B3GAT3: variants seen among roughly 807,000 people sequenced by gnomAD.
B3GAT3 encodes galactosylgalactosylxylosylprotein 3-beta-glucuronosyltransferase 3.
B3GAT3 carries 19 observed loss-of-function variants against 33.1 expected under a neutral mutation model. That is an observed-to-expected ratio of 0.57 (90% CI 0.40 to 0.84). The LOEUF (loss-of-function observed/expected upper bound fraction) is 0.84. B3GAT3 is among the 40% of genes least tolerant of loss of function. B3GAT3 has a pLI of 0.00. For synonymous variants in B3GAT3, 167 were observed against 193.5 expected (o/e 0.86, Z 1.14); for missense variants, 344 against 441.5 (o/e 0.78, Z 1.98).
rs529772553 is a variant in B3GAT3, at chr11:62,616,971, C to T, written c.618+16G>A. ...GCCGCACCTGGTCTCTTGCCCATCCCCATCCTGGTGCTCACCTCCTCAAAC... is the reference window on the plus strand; with the variant it reads ...GCCGCACCTGGTCTCTTGCCCATCCTCATCCTGGTGCTCACCTCCTCAAAC... On this transcript the variant is annotated intron_variant, in intron 3 of 4. Coordinates refer to ENST00000265471, the MANE Select transcript of B3GAT3 (RefSeq NM_012200.4). The T allele has an allele frequency of 4.3e-6, 7 of 1,614,190 alleles. No individual in the cohort carries two copies. The African/African-American group carries it at 8.0e-5, about 18-fold the overall frequency.
chr11:62,620,079 A>G (rs1369187348), intron 2 of B3GAT3, among the ~76,000 whole-genome samples: 1 of 151,868 alleles, frequency 6.6e-6, no homozygotes, highest in Non-Finnish European at 1.5e-5. Context: ...GCTGGAGTGC[A>G]ATAGCGCACT....
chr11:62,616,686 C>T lies in B3GAT3; in HGVS notation c.729G>A (p.Trp243Ter), dbSNP rs1204033248. Residue 243 changes from tryptophan to a stop codon, truncating the protein, a stop_gained, in exon 4 of 5, where the codon TGG becomes TGA. Coordinates refer to ENST00000265471, the MANE Select transcript of B3GAT3 (RefSeq NM_012200.4). LOFTEE classifies it high-confidence loss of function. ...CCACAGGGAAGGGCCTGCTGGGCTC[C>T]CATGCTGTGTGGAAGCCCACTACCC... The part of the protein sequence containing the change: ...DGRVVGFHTA[W>*]EPSRPFPVDM... 2 of 1,614,220 alleles carry T rather than the reference C, an allele frequency of 1.2e-6. No homozygotes were observed. Among genetic ancestry groups the T allele is most frequent in the South Asian group, 2.2e-5 (2 of 91,086 alleles).
intron 1 of B3GAT3, 92 bp downstream of exon 1, chr11:62,621,774 T>G (rs922398831): frequency 7.7e-7 from 1 of 1,303,048 alleles, no homozygotes; most frequent in African/African-American, 1.5e-5. Context: ...AGCGGATGAA[T>G]GGTGTTTGCC....
At chr11:62,618,998 A>T (rs182789298) in intron 2 of B3GAT3, among the ~76,000 whole-genome samples, 74 of 148,446 alleles carry the variant, frequency 5.0e-4, no homozygotes, top group Admixed American at 2.1e-3. Context: ...AAAAAAAAAA[A>T]AAATTAGCCT....
rs1169657667 is a variant in B3GAT3, at chr11:62,616,658, T to C, written c.757A>G (p.Met253Val). 3.1e-6 allele frequency: 5 copies of C among 1,614,050 alleles called. No individual in the cohort carries two copies. The highest frequency in any genetic ancestry group is 2.7e-5 in the African/African-American group (2 of 74,926). The change falls in exon 4 of 5, where the codon ATG becomes GTG. Residue 253 changes from methionine (M) to valine (V), a missense_variant. Met to Val is a conservative substitution (Grantham distance 21). Transcript: ENST00000265471. ...WEPSRPFPVD[M>V]AGFAVALPLL... ...GGCAGGGCCACGGCAAATCCAGCCA[T>C]ATCCACAGGGAAGGGCCTGCTGGGC...
intron 4 of B3GAT3, 117 bp from the exon 5 acceptor site, chr11:62,615,916 T>C (rs1372247806): frequency 1.3e-6 from 2 of 1,535,518 alleles, no homozygotes; most frequent in Non-Finnish European, 1.7e-6. Flanking sequence ...CTTCAAAGTG[T>C]AAAGGGCAGG....
rs1491233980 is a variant in B3GAT3 at position 62,616,242 on chromosome 11, TGA to T, written c.909+262_909+263del. On this transcript the variant is annotated intron_variant, in intron 4 of 4. Coordinates refer to ENST00000265471, the MANE Select transcript of B3GAT3 (RefSeq NM_012200.4). ...CTGGGTGACACAGCGAGACTCTGTC[TGA>T]AAAAAAAAAAAAAACAACAAACAGG... 1,978 of 463,164 alleles carry T rather than the reference TGA, an allele frequency of 4.3e-3. 2 individuals carry two copies. The highest frequency in any genetic ancestry group is 6.8e-3 in the East Asian group (172 of 25,298). 28.7% of individuals were successfully genotyped at this position (463,164 alleles called of 1,614,324 possible).
intron 2 of B3GAT3, 33 bp downstream of exon 2, chr11:62,620,464 A>G: frequency 1.2e-6 from 2 of 1,606,214 alleles, no homozygotes; most frequent in Non-Finnish European, 1.7e-6. Flanking sequence ...TTCTTGGACA[A>G]CGCAGACCTC....
At chr11:62,618,199 A>C (rs1565077108) in intron 2 of B3GAT3, among the ~76,000 whole-genome samples, 1 of 151,150 alleles carries the variant, frequency 6.6e-6, no homozygotes, top group Non-Finnish European at 1.5e-5. Flanking sequence ...AAAAAAAAAA[A>C]AAAAACAAAT....
chr11:62,620,482 C>T lies in B3GAT3; in HGVS notation c.257+15G>A, dbSNP rs1943123791. The T allele has an allele frequency of 6.2e-7, 1 of 1,610,878 alleles. No individual in the cohort carries two copies. Among genetic ancestry groups the T allele is most frequent in the Non-Finnish European group, 8.5e-7 (1 of 1,179,348 alleles). ...TTGGACAACGCAGACCTCTTGAGTG[C>T]ACCAGAGCCCATACCTGGCATAGGT... On this transcript the variant is annotated intron_variant, in intron 2 of 4. Transcript: ENST00000265471.
rs5792264 is a variant in B3GAT3, at chr11:62,619,699, C to CTTTTTTTTTTTTTTT, written c.257+783_257+797dup. On this transcript the variant is annotated intron_variant, in intron 2 of 4. Transcript: ENST00000265471. ...GGCATGCACCATCACGCCTAGCTAA[C>CTTTTTTTTTTTTTTT]TTTTTTTTTTTTTTTTTTTTTTTTT... Among the ~76,000 whole-genome samples, 2 of 85,698 alleles carry CTTTTTTTTTTTTTTT rather than the reference C, an allele frequency of 2.3e-5. 1 individual carries two copies. Among genetic ancestry groups the CTTTTTTTTTTTTTTT allele is most frequent in the African/African-American group, 9.8e-5 (2 of 20,308 alleles). The allele number at this position is 85,698 out of a possible 152,430, so 56.2% of individuals were successfully genotyped here. A position where few individuals can be genotyped will look rare whatever the true frequency, so the allele number is the denominator to read the frequency against.
intron 2 of B3GAT3, 25 bp from the exon 3 acceptor site, chr11:62,617,372 G>C (rs1943055685): frequency 6.2e-7 from 1 of 1,608,386 alleles, no homozygotes. Flanking sequence ...TGCAGCACAA[G>C]GAAAAGGGGC....
At chr11:62,616,184 C>T (rs1452171681) in intron 4 of B3GAT3, 2 of 532,438 alleles carry the variant, frequency 3.8e-6, no homozygotes, top group Admixed American at 3.3e-5. Context: ...GCGGAGCTTG[C>T]GCTAAGCCAA....
intron 3 of B3GAT3, 39 bp downstream of exon 3, chr11:62,616,948 C>G (rs750281565): frequency 1.2e-5 from 20 of 1,613,980 alleles, no homozygotes; most frequent in Non-Finnish European, 1.6e-5. Flanking sequence ...TGAAGCTGGC[C>G]GCACCTGGTC....
At chr11:62,621,080 C>A (rs1943135064) in intron 1 of B3GAT3, 1 of 466,480 alleles carries the variant, frequency 2.1e-6, no homozygotes, top group African/African-American at 2.0e-5. Context: ...TGGCACTGTC[C>A]CTAAATCTTT....
Position 62,616,687 on chromosome 11 carries a change from C to T in B3GAT3, c.728G>A (p.Trp243Ter), listed in dbSNP as rs1261710947. The T allele has an allele frequency of 6.2e-7, 1 of 1,614,208 alleles. No individual in the cohort carries two copies. The highest frequency in any genetic ancestry group is 1.7e-5 in the Admixed American group (1 of 60,022). ...DGRVVGFHTA[W>*]EPSRPFPVDM... is the part of the protein sequence containing the mutation. The stretch of plus-strand genomic sequence containing the variant: ...CACAGGGAAGGGCCTGCTGGGCTCC[C>T]ATGCTGTGTGGAAGCCCACTACCCG... The change falls in exon 4 of 5, where the codon TGG becomes TAG. Residue 243 changes from tryptophan to a stop codon, truncating the protein, a stop_gained. Coordinates refer to ENST00000265471, the MANE Select transcript of B3GAT3 (RefSeq NM_012200.4). LOFTEE classifies it high-confidence loss of function.
Position 62,615,922 on chromosome 11 carries a change from G to A in B3GAT3, c.910-123C>T. ...CAGTATAGGCTTCAAAGTGTAAAGGGCAGGGTGGAGGAAGACTTAGTGCCT... is the reference window on the plus strand; with the variant it reads ...CAGTATAGGCTTCAAAGTGTAAAGGACAGGGTGGAGGAAGACTTAGTGCCT... On this transcript the variant is annotated intron_variant, in intron 4 of 4. Coordinates refer to ENST00000265471, the MANE Select transcript of B3GAT3 (RefSeq NM_012200.4). The A allele has an allele frequency of 3.3e-6, 5 of 1,530,454 alleles. No individual in the cohort carries two copies. In the South Asian group the frequency reaches 6.0e-5, roughly 18 times the overall value. The allele number at this position is 1,530,454 out of a possible 1,614,324, so 94.8% of individuals were successfully genotyped here.
intron 2 of B3GAT3, among the ~76,000 whole-genome samples, chr11:62,618,881 G>C (rs190975526): frequency 6.6e-6 from 1 of 152,174 alleles, no homozygotes; most frequent in African/African-American, 2.4e-5. Flanking sequence ...TACTCGGGGG[G>C]CTGAGGCAGG....
rs145732173 is a variant in B3GAT3 at position 62,620,711 on chromosome 11, C to G, written c.83-40G>C. The G allele has an allele frequency of 3.2e-6, 5 of 1,574,724 alleles. No individual in the cohort carries two copies. The African/African-American group carries it at 5.4e-5, about 17-fold the overall frequency. Reference sequence around the variant, plus strand: ...CATTAATGGGGAAAGAAGGTGGGGACAGAGAACCGCAGAATGTTCAGCATC... The same window carrying G: ...CATTAATGGGGAAAGAAGGTGGGGAGAGAGAACCGCAGAATGTTCAGCATC... On this transcript the variant is annotated intron_variant, in intron 1 of 4. Transcript: ENST00000265471.
Sources: allele counts gnomAD v4.1 joint callset (sites outside exome capture counted in the v4.1 genomes callset), GRCh38; gene constraint gnomAD v4.1.1; transcripts MANE v1.5; gene names NCBI Gene and HGNC (gene_info 2026-07-23, HGNC 2026-07-21).